IQCM: variants seen among roughly 807,000 people sequenced by gnomAD.
IQCM encodes the protein IQ motif containing M, also known as IQ domain-containing protein M.
A neutral mutation model predicts 57.6 loss-of-function variants in IQCM; 45 were observed. The observed-to-expected ratio is 0.78, with a 90% CI of 0.62 to 1.00. IQCM has a LOEUF of 1.00. Ranked by LOEUF, IQCM falls within the 50% of genes least tolerant of loss-of-function variation. IQCM has a pLI of 0.00. For synonymous variants in IQCM, 148 were observed against 158.9 expected, an observed-to-expected ratio of 0.93 and a Z score of 0.51; for missense variants, 468 against 511.6, an observed-to-expected ratio of 0.91 and a Z score of 0.82.
At chr4:149,353,044 G>A (rs535562085) in intron 13 of IQCM, among the ~76,000 whole-genome samples, 4 of 152,210 alleles carry the variant, frequency 2.6e-5, no homozygotes, top group South Asian at 4.1e-4. Flanking sequence ...ATTGTTTCTG[G>A]GTTAATGTAT....
intron 9 of IQCM, among the ~76,000 whole-genome samples, chr4:149,580,335 A>T (rs1307873247): frequency 1.3e-5 from 2 of 151,838 alleles, no homozygotes; most frequent in African/African-American, 4.8e-5. Flanking sequence ...AGAATAAAAA[A>T]TTGTAAACTC....
intron 2 of IQCM, among the ~76,000 whole-genome samples, chr4:149,806,537 A>T (rs1337556897): frequency 6.6e-6 from 1 of 151,948 alleles, no homozygotes; most frequent in African/African-American, 2.4e-5. Flanking sequence ...CCTTCATGAG[A>T]TACATTTGTT....
intron 10 of IQCM, among the ~76,000 whole-genome samples, chr4:149,554,774 A>C (rs1326450756): frequency 6.6e-6 from 1 of 150,380 alleles, no homozygotes; most frequent in Non-Finnish European, 1.5e-5. Flanking sequence ...ATCTCGGCTC[A>C]CTGCAAGCTC....
At chr4:149,575,350 T>C (rs911203715) in intron 9 of IQCM, among the ~76,000 whole-genome samples, 3 of 151,900 alleles carry the variant, frequency 2.0e-5, no homozygotes, top group African/African-American at 7.2e-5. Context: ...TGTCTCATTA[T>C]TATTTTACTA....
chr4:149,738,715 C>G (rs1484982225), intron 3 of IQCM, among the ~76,000 whole-genome samples: 2 of 152,120 alleles, frequency 1.3e-5, no homozygotes, highest in Admixed American at 6.5e-5. Context: ...CCTGAAATGG[C>G]TCCAATGAAG....
chr4:149,663,677 G>C (rs558616098), intron 7 of IQCM, among the ~76,000 whole-genome samples: 74 of 152,116 alleles, frequency 4.9e-4, no homozygotes, highest in Non-Finnish European at 8.8e-4. Context: ...AGCCTGGATG[G>C]TTTTGGCTGA....
chr4:149,508,776 G>A (rs1294096160), intron 12 of IQCM, among the ~76,000 whole-genome samples: 1 of 152,142 alleles, frequency 6.6e-6, no homozygotes, highest in Non-Finnish European at 1.5e-5. Context: ...GAGGACATGA[G>A]ATTTAGGCAG....
intron 7 of IQCM, among the ~76,000 whole-genome samples, chr4:149,658,832 T>C (rs1269830871): frequency 6.6e-6 from 1 of 152,116 alleles, no homozygotes; most frequent in Non-Finnish European, 1.5e-5. Flanking sequence ...TTTTGTATTG[T>C]GAAACTTTAC....
chr4:149,737,824 G>T (rs1222320414), intron 3 of IQCM: 4 of 152,200 alleles, frequency 2.6e-5, no homozygotes, highest in Non-Finnish European at 5.9e-5. Flanking sequence ...ATTCCTAGGT[G>T]TGACTTCACA....
intron 13 of IQCM, among the ~76,000 whole-genome samples, chr4:149,355,105 T>A (rs569574600): frequency 6.6e-6 from 1 of 152,250 alleles, no homozygotes; most frequent in East Asian, 1.9e-4. Flanking sequence ...TATCATAAAA[T>A]AAGCTTTTTA....
intron 12 of IQCM, among the ~76,000 whole-genome samples, chr4:149,480,628 A>G (rs1740678326): frequency 1.3e-5 from 2 of 152,202 alleles, no homozygotes; most frequent in Admixed American, 1.3e-4. Flanking sequence ...TCCATTGTGT[A>G]TAAGTACCAC....
intron 8 of IQCM, among the ~76,000 whole-genome samples, chr4:149,600,384 G>A (rs1754167655): frequency 6.6e-6 from 1 of 152,160 alleles, no homozygotes; most frequent in Non-Finnish European, 1.5e-5. Flanking sequence ...CCATAAGTAA[G>A]AGATGGATAG....
intron 5 of IQCM, among the ~76,000 whole-genome samples, chr4:149,703,467 A>G (rs1763918788): frequency 6.6e-6 from 1 of 151,808 alleles, no homozygotes; most frequent in Admixed American, 6.6e-5. Flanking sequence ...ATAACTTTCA[A>G]AAAAAATGGT....
chr4:149,704,768 G>A (rs1275783195), intron 5 of IQCM, among the ~76,000 whole-genome samples: 2 of 151,870 alleles, frequency 1.3e-5, no homozygotes, highest in Non-Finnish European at 2.9e-5. Flanking sequence ...TGTCTGTGAG[G>A]ATGTTTCCAG....
At chr4:149,648,962 T>C (rs1249566677) in intron 7 of IQCM, among the ~76,000 whole-genome samples, 3 of 152,152 alleles carry the variant, frequency 2.0e-5, no homozygotes, top group Non-Finnish European at 4.4e-5. Context: ...AAATTACCTT[T>C]ATTCAATATG....
chr4:149,462,028 A>G (rs140930185), intron 12 of IQCM, among the ~76,000 whole-genome samples: 48 of 152,256 alleles, frequency 3.2e-4, no homozygotes, highest in Non-Finnish European at 5.7e-4. Context: ...GGCTTTATGT[A>G]TTACATATAT....
At chr4:149,441,246 C>G (rs754895659) in intron 12 of IQCM, among the ~76,000 whole-genome samples, 83 of 152,252 alleles carry the variant, frequency 5.5e-4, no homozygotes, top group Non-Finnish European at 9.6e-4. Flanking sequence ...CTAGAGTTGA[C>G]ACATCTAAAT....
At chr4:149,464,620 C>A (rs903053122) in intron 12 of IQCM, among the ~76,000 whole-genome samples, 8 of 152,050 alleles carry the variant, frequency 5.3e-5, no homozygotes, top group African/African-American at 1.7e-4. Context: ...TTTGACGGGA[C>A]CTTTTGAGAC....
intron 2 of IQCM, among the ~76,000 whole-genome samples, chr4:149,796,471 A>G (rs115865034): frequency 0.022 from 3,343 of 152,282 alleles, 64 homozygotes; most frequent in South Asian, 0.036. Context: ...TGTATCTGCC[A>G]GAAACCTGGG....
Sources: allele counts gnomAD v4.1 joint callset (sites outside exome capture counted in the v4.1 genomes callset), GRCh38; gene constraint gnomAD v4.1.1; transcripts MANE v1.5; gene names NCBI Gene and HGNC (gene_info 2026-07-23, HGNC 2026-07-21).